ATOSA: variants seen among roughly 807,000 people sequenced by gnomAD.
The protein encoded by ATOSA is atos homolog A.
At chr15:52,621,762 G>A in the ATOSA span, among the ~76,000 whole-genome samples, 4 of 152,208 alleles carry the variant, frequency 2.6e-5, no homozygotes, top group South Asian at 2.1e-4. Context: ...GTGGAACTGT[G>A]AGTCCATCAA....
chr15:52,662,636 G>A, the ATOSA span, among the ~76,000 whole-genome samples: 2 of 151,184 alleles, frequency 1.3e-5, no homozygotes, highest in East Asian at 1.9e-4. Context: ...AGGGCACGGT[G>A]GCGGGTGCCT....
chr15:52,651,583 C>A, the ATOSA span, among the ~76,000 whole-genome samples: 1 of 152,186 alleles, frequency 6.6e-6, no homozygotes, highest in South Asian at 2.1e-4. Flanking sequence ...TCATTTCTAT[C>A]ACATTTTTTC....
the ATOSA span, among the ~76,000 whole-genome samples, chr15:52,663,468 T>C: frequency 1.3e-5 from 2 of 152,224 alleles, no homozygotes; most frequent in Non-Finnish European, 2.9e-5. Context: ...GAATAGTTCA[T>C]CAATAAATAC....
the ATOSA span, among the ~76,000 whole-genome samples, chr15:52,682,401 G>T: frequency 5.3e-5 from 8 of 152,128 alleles, no homozygotes; most frequent in African/African-American, 1.9e-4. Flanking sequence ...CAAATCCAGT[G>T]ACTAATGTCC....
chr15:52,623,807 CTACT>C, the ATOSA span, among the ~76,000 whole-genome samples: 4 of 152,164 alleles, frequency 2.6e-5, no homozygotes, highest in African/African-American at 4.8e-5. Flanking sequence ...ATGCAAAAGT[CTACT>C]TACTTAGTCT....
At chr15:52,616,291 G>C in the ATOSA span, among the ~76,000 whole-genome samples, 3 of 152,238 alleles carry the variant, frequency 2.0e-5, no homozygotes, top group Non-Finnish European at 4.4e-5. Flanking sequence ...GTAGTGACGT[G>C]TTGCTTGAGA....
At chr15:52,584,806 C>G in the ATOSA span, 1 of 1,613,590 alleles carries the variant, frequency 6.2e-7, no homozygotes, top group East Asian at 2.2e-5. Context: ...TCTTTATTAA[C>G]ACTTCTCTTC....
At chr15:52,675,899 C>T in the ATOSA span, among the ~76,000 whole-genome samples, 3 of 149,606 alleles carry the variant, frequency 2.0e-5, no homozygotes, top group Non-Finnish European at 3.0e-5. Context: ...GAGCGAGACT[C>T]CGTCTCAAAA....
At chr15:52,670,989 T>G in the ATOSA span, among the ~76,000 whole-genome samples, 3 of 152,158 alleles carry the variant, frequency 2.0e-5, no homozygotes, top group Non-Finnish European at 4.4e-5. Context: ...CTTTCTTATA[T>G]TCATAAACCT....
At chr15:52,642,621 G>C in the ATOSA span, among the ~76,000 whole-genome samples, 1 of 152,088 alleles carries the variant, frequency 6.6e-6, no homozygotes, top group Non-Finnish European at 1.5e-5. Context: ...TAGCTGTTTT[G>C]CTTTTTGTGA....
the ATOSA span, among the ~76,000 whole-genome samples, chr15:52,680,278 G>A: frequency 2.0e-5 from 3 of 152,044 alleles, no homozygotes; most frequent in Admixed American, 6.5e-5. Context: ...GCAGCTATTA[G>A]CTACTCAGTC....
At chr15:52,645,717 C>T in the ATOSA span, among the ~76,000 whole-genome samples, 1 of 152,192 alleles carries the variant, frequency 6.6e-6, no homozygotes, top group African/African-American at 2.4e-5. Flanking sequence ...ATCATAGTCT[C>T]AGGGCCTGAA....
chr15:52,616,143 G>T, the ATOSA span, among the ~76,000 whole-genome samples: 1 of 152,156 alleles, frequency 6.6e-6, no homozygotes, highest in Non-Finnish European at 1.5e-5. Context: ...ATAACCACTC[G>T]TACAGACGTT....
At chr15:52,702,698 C>T in the ATOSA span, among the ~76,000 whole-genome samples, 2 of 150,684 alleles carry the variant, frequency 1.3e-5, no homozygotes, top group Admixed American at 1.3e-4. Context: ...GTACCCCACA[C>T]CTCAGTATCA....
the ATOSA span, among the ~76,000 whole-genome samples, chr15:52,632,806 T>C: frequency 0.018 from 2,683 of 152,330 alleles, 85 homozygotes; most frequent in African/African-American, 0.062. Context: ...TCATAATGTA[T>C]TTTATTCAAG....
At chr15:52,652,973 A>G in the ATOSA span, among the ~76,000 whole-genome samples, 3 of 152,228 alleles carry the variant, frequency 2.0e-5, no homozygotes, top group Non-Finnish European at 4.4e-5. Flanking sequence ...GTGATGAATT[A>G]TAAAAATTTC....
At chr15:52,608,547 G>T in the ATOSA span, 5 of 1,527,636 alleles carry the variant, frequency 3.3e-6, no homozygotes, top group South Asian at 6.7e-5. Context: ...ACTTACATTT[G>T]ACATATTAGA....
the ATOSA span, among the ~76,000 whole-genome samples, chr15:52,618,396 A>T: frequency 2.0e-5 from 3 of 152,254 alleles, no homozygotes; most frequent in South Asian, 4.1e-4. Flanking sequence ...AAACACTACC[A>T]CTGTACATAT....
At chr15:52,678,237 G>C in the ATOSA span, 4 of 624,556 alleles carry the variant, frequency 6.4e-6, no homozygotes, top group Non-Finnish European at 1.1e-5. Flanking sequence ...CAGCACCCTC[G>C]GCTGGTCTGA....
Sources: allele counts gnomAD v4.1 joint callset (sites outside exome capture counted in the v4.1 genomes callset), GRCh38; gene constraint gnomAD v4.1.1; transcripts MANE v1.5; gene names NCBI Gene and HGNC (gene_info 2026-07-23, HGNC 2026-07-21).